The following TMEM232 variants were observed in gnomAD, a reference collection of about 807,000 sequenced individuals.
TMEM232 encodes the protein transmembrane protein 232.
TMEM232 carries 80 observed loss-of-function variants against 78.8 expected under a neutral mutation model. The observed-to-expected ratio is 1.01, with a 90% confidence interval of 0.85 to 1.22. TMEM232 has a LOEUF of 1.22. Ranked by LOEUF, TMEM232 falls within the 50% of genes most tolerant of loss-of-function variation. The probability of loss-of-function intolerance (pLI) is 0.00; values close to 1 mark genes in which losing one functional copy is unlikely to be tolerated. For synonymous variants in TMEM232, 297 were observed against 254.3 expected (o/e 1.17, Z -1.60); for missense variants, 881 against 742.2 (o/e 1.19, Z -2.17).
intron 12 of TMEM232, among the ~76,000 whole-genome samples, chr5:110,450,953 G>A (rs950088153): frequency 3.3e-5 from 5 of 152,140 alleles, no homozygotes; most frequent in East Asian, 3.9e-4. Context: ...CCTTCCAAGA[G>A]GACAGTGGAG....
At chr5:110,717,829 T>C (rs1432552450) in intron 1 of TMEM232, among the ~76,000 whole-genome samples, 1 of 152,150 alleles carries the variant, frequency 6.6e-6, no homozygotes, top group Non-Finnish European at 1.5e-5. Flanking sequence ...GCTTCCCCTT[T>C]GCTTTCTGCC....
intron 1 of TMEM232, among the ~76,000 whole-genome samples, chr5:110,699,915 C>A (rs1207477923): frequency 1.3e-5 from 2 of 152,056 alleles, no homozygotes; most frequent in Non-Finnish European, 2.9e-5. Context: ...CCTGATCCTA[C>A]CCAAGATCCT....
intron 7 of TMEM232, among the ~76,000 whole-genome samples, chr5:110,624,271 G>A (rs1784132304): frequency 6.6e-6 from 1 of 151,954 alleles, no homozygotes; most frequent in South Asian, 2.1e-4. Flanking sequence ...ATGTTTGCAT[G>A]GCATTTAATA....
chr5:110,606,975 T>C (rs1345355540), intron 8 of TMEM232, among the ~76,000 whole-genome samples: 2 of 152,052 alleles, frequency 1.3e-5, no homozygotes, highest in East Asian at 3.9e-4. Context: ...TGGTCATAGC[T>C]GTTTATTGCC....
chr5:110,400,892 G>GT (rs915533939), intron 2 of TMEM232, among the ~76,000 whole-genome samples: 46 of 151,954 alleles, frequency 3.0e-4, no homozygotes, highest in African/African-American at 9.6e-4. Flanking sequence ...AGGTAAAATT[G>GT]TTTTTTTCTT....
chr5:110,653,589 G>T (rs1788626838), intron 2 of TMEM232, among the ~76,000 whole-genome samples: 1 of 152,102 alleles, frequency 6.6e-6, no homozygotes, highest in Non-Finnish European at 1.5e-5. Flanking sequence ...ATTAGGTGGA[G>T]GTCAAGCTAA....
intron 10 of TMEM232, among the ~76,000 whole-genome samples, chr5:110,585,865 T>C (rs1778755914): frequency 6.6e-6 from 1 of 152,036 alleles, no homozygotes; most frequent in Non-Finnish European, 1.5e-5. Context: ...CTTGAAGTAC[T>C]AATGCAAACA....
chr5:110,701,801 T>C (rs1795464323), intron 1 of TMEM232, among the ~76,000 whole-genome samples: 1 of 152,056 alleles, frequency 6.6e-6, no homozygotes. Flanking sequence ...AGTATATGGA[T>C]GATCCCTTGT....
chr5:110,590,878 A>C (rs1779436418), intron 10 of TMEM232, among the ~76,000 whole-genome samples: 1 of 152,134 alleles, frequency 6.6e-6, no homozygotes, highest in South Asian at 2.1e-4. Context: ...AGAAACTTCC[A>C]AACACATATA....
chr5:110,659,466 G>C (rs1337340865), intron 2 of TMEM232, among the ~76,000 whole-genome samples: 2 of 152,238 alleles, frequency 1.3e-5, no homozygotes, highest in East Asian at 3.9e-4. Flanking sequence ...ACAGGTGCCT[G>C]GGAGAGAAGC....
intron 1 of TMEM232, among the ~76,000 whole-genome samples, chr5:110,681,675 T>G (rs1020049344): frequency 7.9e-5 from 12 of 152,208 alleles, no homozygotes; most frequent in African/African-American, 2.9e-4. Flanking sequence ...TGAGAACCAT[T>G]TGCCAGAAGA....
chr5:110,434,593 T>A (rs1241733094), intron 12 of TMEM232, among the ~76,000 whole-genome samples: 3 of 151,914 alleles, frequency 2.0e-5, no homozygotes. Flanking sequence ...GAAGGACACC[T>A]CCCTAACTCA....
At chr5:110,515,803 G>C (rs184607033) in intron 12 of TMEM232, among the ~76,000 whole-genome samples, 1 of 152,280 alleles carries the variant, frequency 6.6e-6, no homozygotes, top group African/African-American at 2.4e-5. Context: ...TGCAGAGGAG[G>C]AGCACTAGCC....
chr5:110,536,738 G>C (rs1031484398), intron 11 of TMEM232, among the ~76,000 whole-genome samples: 1 of 152,212 alleles, frequency 6.6e-6, no homozygotes, highest in South Asian at 2.1e-4. Flanking sequence ...TTTAAAAAGA[G>C]GGATGGGATG....
chr5:110,424,254 A>C (rs1315393956), intron 13 of TMEM232, among the ~76,000 whole-genome samples: 1 of 152,206 alleles, frequency 6.6e-6, no homozygotes, highest in Non-Finnish European at 1.5e-5. Flanking sequence ...TTATTCAAAG[A>C]AAAAACCAGA....
intron 2 of TMEM232, among the ~76,000 whole-genome samples, chr5:110,652,294 G>GCGCACACACACACACACA (rs1554069154): frequency 0.018 from 2,683 of 145,420 alleles, 39 homozygotes; most frequent in East Asian, 0.054. Flanking sequence ...GCACGCGCGC[G>GCGCACACACACACACACA]CACACACACA....
chr5:110,494,171 G>A (rs940030226), intron 12 of TMEM232, among the ~76,000 whole-genome samples: 1 of 151,826 alleles, frequency 6.6e-6, no homozygotes, highest in Non-Finnish European at 1.5e-5. Context: ...GTCATTGATG[G>A]GCATTGTGCC....
At chr5:110,601,116 C>G (rs1003141285) in intron 10 of TMEM232, among the ~76,000 whole-genome samples, 1 of 152,112 alleles carries the variant, frequency 6.6e-6, no homozygotes, top group African/African-American at 2.4e-5. Context: ...ACCCTTAATG[C>G]TAAAAGCACT....
chr5:110,530,131 G>A (rs1309722710), intron 11 of TMEM232, among the ~76,000 whole-genome samples: 1 of 152,134 alleles, frequency 6.6e-6, no homozygotes, highest in Non-Finnish European at 1.5e-5. Context: ...CTAAATTACT[G>A]ACGAAAGACT....
Sources: allele counts gnomAD v4.1 joint callset (sites outside exome capture counted in the v4.1 genomes callset), GRCh38; gene constraint gnomAD v4.1.1; transcripts MANE v1.5; gene names NCBI Gene and HGNC (gene_info 2026-07-23, HGNC 2026-07-21).